Variants in CD151 observed in about 807,000 individuals in gnomAD.
The protein encoded by CD151 is CD151 molecule (Raph blood group).
In CD151, 20 loss-of-function variants were observed where a neutral mutation model predicts 34.2. The observed-to-expected ratio is 0.58, with a 90% CI of 0.41 to 0.85. The LOEUF is 0.85. CD151 is among the 40% of genes least tolerant of loss of function. The pLI is 0.00. For synonymous variants in CD151, 157 were observed against 131.7 expected (o/e 1.19, Z -1.32); for missense variants, 306 against 324.5 (o/e 0.94, Z 0.44).
intron 5 of CD151, 77 bp from the exon 6 acceptor site, chr11:837,173 G>A (rs1020729136): frequency 5.6e-6 from 7 of 1,249,986 alleles, no homozygotes; most frequent in South Asian, 3.6e-5. Context: ...CCTCCCCACC[G>A]GCCATCCTGG....
In CD151 at chr11:836,184, AC is replaced by A. The variant is rs772604592; in HGVS notation, c.84+36del. ...GAGGGGTCGCCTTGCCCCCACCCCC[AC>A]CCCCACCCCTCCCGGGCCACCATCA... On this transcript the variant is annotated intron_variant, in intron 3 of 8. Transcript: ENST00000397420. 8 of 721,274 alleles carry A rather than the reference AC, an allele frequency of 1.1e-5. 1 individual carries two copies. The South Asian group carries it at 1.2e-4, about 11-fold the overall frequency. The allele number at this position is 721,274 out of a possible 1,614,324, so 44.7% of individuals were successfully genotyped here.
intron 5 of CD151, 52 bp from the exon 6 acceptor site, chr11:837,198 C>T (rs1590210335): frequency 6.8e-7 from 1 of 1,480,820 alleles, no homozygotes; most frequent in East Asian, 2.3e-5. Flanking sequence ...CTGCCAGCCC[C>T]ACCTTGGAAG....
Position 837,083 on chromosome 11 carries a change from C to T in CD151, c.352-167C>T, listed in dbSNP as rs562438675. On this transcript the variant is annotated intron_variant, in intron 5 of 8. Transcript: ENST00000397420. ...CCGCACTTCATTGTCACCCTGGTGACGGTCCTGGCACCACCCAACCTCCCC... is the reference window on the plus strand; with the variant it reads ...CCGCACTTCATTGTCACCCTGGTGATGGTCCTGGCACCACCCAACCTCCCC... 3.3e-5 allele frequency: 22 copies of T among 671,014 alleles called. No individual in the cohort carries two copies. The East Asian group carries it at 5.4e-4, about 17-fold the overall frequency. 41.6% of individuals were successfully genotyped at this position (671,014 alleles called of 1,614,324 possible). A position where few individuals can be genotyped will look rare whatever the true frequency, so the allele number is the denominator to read the frequency against.
At position 836,416 on chromosome 11, in the gene CD151, A is replaced by G. The variant is rs1219381748; in HGVS notation, c.250A>G (p.Lys84Glu). Reference protein sequence around the residue: ...TGVLGCCATFKERRNLLRLYF... With the variant: ...TGVLGCCATFEERRNLLRLYF... ...GGTCTTGGGCTGCTGCGCCACCTTC[A>G]AGGAGCGTCGGAACCTGCTGCGCCT... Residue 84 changes from lysine (K) to glutamate (E), a missense_variant, in exon 4 of 9, where the codon AAG (lysine) becomes GAG (glutamate). Coordinates refer to ENST00000397420, the MANE Select transcript of CD151 (RefSeq NM_004357.5). The G allele has an allele frequency of 1.2e-6, 2 of 1,610,472 alleles. No homozygotes were observed. The highest frequency in any genetic ancestry group is 1.7e-6 in the Non-Finnish European group (2 of 1,179,588).
Position 837,307 on chromosome 11 carries a change from C to T in CD151, c.409C>T (p.Pro137Ser), listed in dbSNP as rs1431926999. ...KDTMTKRYHQ[P>S]GHEAVTSAVD... ...CACCATGACCAAGCGCTACCACCAGCCGGGCCATGAGGCTGTGACCAGCGC... is the reference window on the plus strand; with the variant it reads ...CACCATGACCAAGCGCTACCACCAGTCGGGCCATGAGGCTGTGACCAGCGC... Residue 137 changes from proline to serine, a missense_variant, in exon 6 of 9, where the codon CCG (proline) becomes TCG (serine). Physicochemically the swap from Pro to Ser is moderately conservative, Grantham distance 74. Transcript: ENST00000397420. 1 of 1,613,044 alleles carries T rather than the reference C, an allele frequency of 6.2e-7. No homozygotes were observed. Among genetic ancestry groups the T allele is most frequent in the Non-Finnish European group, 8.5e-7 (1 of 1,179,974 alleles).
chr11:837,269 A>T lies in CD151; in HGVS notation c.371A>T (p.Glu124Val). The T allele has an allele frequency of 6.2e-7, 1 of 1,613,038 alleles. No homozygotes were observed. The highest frequency in any genetic ancestry group is 8.5e-7 in the Non-Finnish European group (1 of 1,179,868). The change falls in exon 6 of 9, where the codon GAG (glutamate) becomes GTG (valine). Residue 124 changes from glutamate to valine, a missense_variant. Glu to Val is a moderately radical substitution (Grantham distance 121). Transcript: ENST00000397420. ...YYQQLNTELK[E>V]NLKDTMTKRY... ...CCCCAGCTGAACACGGAGCTCAAGG[A>T]GAACCTGAAGGACACCATGACCAAG...
chr11:837,871 G>C (rs35264386), intron 7 of CD151, 71 bp from the exon 8 acceptor site: 3 of 1,251,916 alleles, frequency 2.4e-6, no homozygotes, highest in Non-Finnish European at 3.4e-6. Flanking sequence ...ACACCCTGGA[G>C]GCTGGAGGCA....
In CD151 at chr11:836,753, G is replaced by A. The variant is rs1344448844; in HGVS notation, c.277-16G>A. On this transcript the variant is annotated splice_polypyrimidine_tract_variant and intron_variant, in intron 4 of 8. Transcript: ENST00000397420. ...TAGGCCTCAGAACAAGGGTGCCCTTGTGCTGCCCCCCCCAGTACTTCATCC... is the reference window on the plus strand; with the variant it reads ...TAGGCCTCAGAACAAGGGTGCCCTTATGCTGCCCCCCCCAGTACTTCATCC... 4 of 1,612,234 alleles carry A rather than the reference G, an allele frequency of 2.5e-6. No homozygotes were observed. Among genetic ancestry groups the A allele is most frequent in the African/African-American group, 1.3e-5 (1 of 74,896 alleles).
intron 1 of CD151, chr11:833,985 C>T (rs1276063973): frequency 6.6e-6 from 1 of 152,336 alleles, no homozygotes; most frequent in Non-Finnish European, 1.5e-5. Flanking sequence ...GCCTCTTTCC[C>T]AGGCTGTAGC....
At position 835,742 on chromosome 11, in the gene CD151, C is replaced by T. The variant is rs1192896996; in HGVS notation, c.-7-321C>T. On this transcript the variant is annotated intron_variant, in intron 2 of 8. Transcript: ENST00000397420. The stretch of plus-strand genomic sequence containing the variant: ...TCACTCTGTCGCCCAGGCTGGAGTG[C>T]AGTGGCACCATCTCGGCTCACTGCA... The T allele has an allele frequency of 2.1e-5, 6 of 281,926 alleles. No individual in the cohort carries two copies. The East Asian group carries it at 4.1e-4, about 19-fold the overall frequency. 17.5% of individuals were successfully genotyped at this position (281,926 alleles called of 1,614,324 possible). A position where few individuals can be genotyped will look rare whatever the true frequency, so the allele number is the denominator to read the frequency against.
chr11:836,630 A>T, intron 4 of CD151, 139 bp from the exon 5 acceptor site: 1 of 899,318 alleles, frequency 1.1e-6, no homozygotes, highest in Admixed American at 2.2e-5. Context: ...CCAGCTCCGC[A>T]AGAAAGCTTC....
Position 837,614 on chromosome 11 carries a change from T to A in CD151, c.611T>A (p.Val204Glu). ...GACCATGCCTCCAACATCTACAAGG[T>A]GGAGGTGGGTGTGCAGCGGGATCAT... The part of the protein sequence containing the change: ...QRDHASNIYK[V>E]EGGCITKLET... Residue 204 changes from valine to glutamate, a missense_variant, in exon 7 of 9, where the codon GTG (valine) becomes GAG (glutamate). Physicochemically the swap from Val to Glu is moderately radical, Grantham distance 121 (BLOSUM62 -2). Transcript: ENST00000397420. 1 of 1,611,146 alleles carries A rather than the reference T, an allele frequency of 6.2e-7. No homozygotes were observed.
Position 838,262 on chromosome 11 carries a change from C to A in CD151, c.*70C>A. The A allele has an allele frequency of 7.6e-7, 1 of 1,323,740 alleles. No homozygotes were observed. The highest frequency in any genetic ancestry group is 1.1e-6 in the Non-Finnish European group (1 of 918,666). 82.0% of individuals were successfully genotyped at this position (1,323,740 alleles called of 1,614,324 possible). On this transcript the variant is annotated 3_prime_UTR_variant, in exon 9 of 9. Transcript: ENST00000397420. The stretch of plus-strand genomic sequence containing the variant: ...AGACCACTGAGTACCAGGGGCTGGG[C>A]TCCCTGATGACACCCACCCTGTGCC...
chr11:838,202 G>T lies in CD151; in HGVS notation c.*10G>T. On this transcript the variant is annotated 3_prime_UTR_variant, in exon 9 of 9. Coordinates refer to ENST00000397420, the MANE Select transcript of CD151 (RefSeq NM_004357.5). ...GCTGGAGCACTACTGACCCTGCCTT[G>T]GGCCTTGCTGCTGCTGCACCCAACT... 1 of 1,611,060 alleles carries T rather than the reference G, an allele frequency of 6.2e-7. No homozygotes were observed. Among genetic ancestry groups the T allele is most frequent in the Non-Finnish European group, 8.5e-7 (1 of 1,178,110 alleles).
At chr11:838,049 C>T (rs375649165) in intron 8 of CD151, 21 bp downstream of exon 8, 9 of 1,610,030 alleles carry the variant, frequency 5.6e-6, no homozygotes, top group Middle Eastern at 1.6e-4. Context: ...ATGGGGGTGG[C>T]GGTCATCTTG....
intron 2 of CD151, chr11:835,729 C>T: frequency 4.3e-6 from 1 of 232,240 alleles, no homozygotes; most frequent in South Asian, 7.2e-5. Flanking sequence ...ACTCTGTCGC[C>T]CAGGCTGGAG....
At position 838,178 on chromosome 11, in the gene CD151, C is replaced by A. The variant is rs1213133867; in HGVS notation, c.748C>A (p.Leu250Met). The change falls in exon 9 of 9, where the codon CTG (leucine) becomes ATG (methionine). Residue 250 changes from leucine to methionine, a missense_variant. By Grantham distance (15) the Leu-to-Met change is conservative. Transcript: ENST00000397420. ...GTGCTGCCTGTACAGGAGTCTCAAGCTGGAGCACTACTGACCCTGCCTTGG... is the reference window on the plus strand; with the variant it reads ...GTGCTGCCTGTACAGGAGTCTCAAGATGGAGCACTACTGACCCTGCCTTGG... ...FTCCLYRSLK[L>M]EHY 2 of 1,612,912 alleles carry A rather than the reference C, an allele frequency of 1.2e-6. No homozygotes were observed. Among genetic ancestry groups the A allele is most frequent in the Non-Finnish European group, 1.7e-6 (2 of 1,179,726 alleles).
chr11:836,172 GCCCCCACCCCCA>G lies in CD151; in HGVS notation c.84+30_84+41del, dbSNP rs34987505. ...CTTCTGGGTGAGGAGGGGTCGCCTT[GCCCCCACCCCCA>G]CCCCCACCCCTCCCGGGCCACCATC... On this transcript the variant is annotated intron_variant, in intron 3 of 8. Coordinates refer to ENST00000397420, the MANE Select transcript of CD151 (RefSeq NM_004357.5). 27 of 1,547,574 alleles carry G rather than the reference GCCCCCACCCCCA, an allele frequency of 1.7e-5. 1 individual carries two copies. The highest frequency in any genetic ancestry group is 1.7e-4 in the Middle Eastern group (1 of 5,724).
In CD151 at chr11:838,274, AC is replaced by A. The variant is rs1249720320; in HGVS notation, c.*85del. 2 of 1,172,380 alleles carry A rather than the reference AC, an allele frequency of 1.7e-6. No individual in the cohort carries two copies. Among genetic ancestry groups the A allele is most frequent in the Admixed American group, 3.5e-5 (2 of 57,872 alleles). 72.6% of individuals were successfully genotyped at this position (1,172,380 alleles called of 1,614,324 possible). ...ACCAGGGGCTGGGCTCCCTGATGAC[AC>A]CCACCCTGTGCCATCACCATAACCT... On this transcript the variant is annotated 3_prime_UTR_variant, in exon 9 of 9. Coordinates refer to ENST00000397420, the MANE Select transcript of CD151 (RefSeq NM_004357.5).
Sources: gnomAD v4.1 joint callset for allele counts on GRCh38, gnomAD v4.1.1 for gene constraint, MANE v1.5 for transcripts, NCBI Gene and HGNC (gene_info 2026-07-23, HGNC 2026-07-21) for gene names.